Variants in GALNT13 observed in about 807,000 individuals in gnomAD.
GALNT13 encodes the protein UDP-GalNAc:polypeptide N-acetylgalactosaminyltransferase 13.
GALNT13 carries 28 observed loss-of-function variants against 64.2 expected under a neutral mutation model. The ratio of observed to expected loss-of-function variants is 0.44; its 90% CI spans 0.32 to 0.60. GALNT13 has a LOEUF of 0.60. Among genes scored for constraint, GALNT13 ranks in the 20% least tolerant of loss-of-function variants. The probability of loss-of-function intolerance (pLI) is 0.05; values close to 1 mark genes in which losing one functional copy is unlikely to be tolerated. For missense variants in GALNT13, 577 were observed against 669.8 expected, an observed-to-expected ratio of 0.86 and a Z score of 1.53; for synonymous variants, 214 against 224.6, an observed-to-expected ratio of 0.95 and a Z score of 0.42.
intron 3 of GALNT13, among the ~76,000 whole-genome samples, chr2:153,954,302 A>G (rs1692412708): frequency 6.6e-6 from 1 of 152,158 alleles, no homozygotes; most frequent in South Asian, 2.1e-4. Context: ...AGTTATAATG[A>G]CCACTGGAAT....
At chr2:153,192,095 T>G in the GALNT13 span, among the ~76,000 whole-genome samples, 2 of 151,986 alleles carry the variant, frequency 1.3e-5, no homozygotes, top group Admixed American at 1.3e-4. Flanking sequence ...TAGGTTTGGT[T>G]TGCTCTTCTT....
At chr2:153,747,426 T>G in the GALNT13 span, among the ~76,000 whole-genome samples, 1 of 136,530 alleles carries the variant, frequency 7.3e-6, no homozygotes, top group Non-Finnish European at 1.5e-5. Context: ...CCTTTGGTTT[T>G]TTTTTTTTTT....
intron 9 of GALNT13, among the ~76,000 whole-genome samples, chr2:154,364,296 T>C (rs1191681764): frequency 1.3e-5 from 2 of 152,184 alleles, no homozygotes; most frequent in Non-Finnish European, 2.9e-5. Flanking sequence ...TGCAACCTCT[T>C]TGTTAGCAAG....
chr2:153,949,400 G>T (rs1692005822), intron 3 of GALNT13, among the ~76,000 whole-genome samples: 1 of 151,932 alleles, frequency 6.6e-6, no homozygotes, highest in African/African-American at 2.4e-5. Flanking sequence ...CTCAAGCCAG[G>T]CATGGTGGTG....
the GALNT13 span, among the ~76,000 whole-genome samples, chr2:153,101,715 A>G: frequency 6.6e-6 from 1 of 152,256 alleles, no homozygotes; most frequent in East Asian, 1.9e-4. Flanking sequence ...ATTAAAAAAT[A>G]GGCAAACACA....
chr2:154,182,791 A>G (rs917792074), intron 4 of GALNT13, among the ~76,000 whole-genome samples: 5 of 151,860 alleles, frequency 3.3e-5, no homozygotes, highest in African/African-American at 1.2e-4. Flanking sequence ...GACTAATCAC[A>G]GCACTTTGGA....
chr2:154,417,605 G>A (rs1700078506), intron 11 of GALNT13, among the ~76,000 whole-genome samples: 1 of 151,088 alleles, frequency 6.6e-6, no homozygotes, highest in Admixed American at 6.6e-5. Context: ...CCACCTCCCG[G>A]GTTCAAGTGA....
the GALNT13 span, among the ~76,000 whole-genome samples, chr2:153,309,208 C>T: frequency 6.6e-6 from 1 of 152,074 alleles, no homozygotes; most frequent in African/African-American, 2.4e-5. Context: ...CAAAAATAAA[C>T]CCCAAAACCA....
At chr2:153,096,797 T>C in the GALNT13 span, among the ~76,000 whole-genome samples, 3 of 152,214 alleles carry the variant, frequency 2.0e-5, no homozygotes, top group East Asian at 5.8e-4. Context: ...GATTAATGAG[T>C]CTTGTTTATT....
chr2:153,825,608 CTGTGTGTG>C, the GALNT13 span, among the ~76,000 whole-genome samples: 4,457 of 134,830 alleles, frequency 0.033, 104 homozygotes, highest in East Asian at 0.13. Flanking sequence ...TCCATGAGTG[CTGTGTGTG>C]TGTGTGTGTG....
At chr2:154,363,679 C>G (rs561954463) in intron 9 of GALNT13, among the ~76,000 whole-genome samples, 270 of 152,218 alleles carry the variant, frequency 1.8e-3, no homozygotes, top group Non-Finnish European at 2.1e-3. Context: ...TTATGTGAAG[C>G]TCTTTTGGAA....
At chr2:154,326,629 A>G (rs1356280206) in intron 9 of GALNT13, among the ~76,000 whole-genome samples, 3 of 152,210 alleles carry the variant, frequency 2.0e-5, no homozygotes, top group Admixed American at 1.3e-4. Flanking sequence ...GTTCCTTTGG[A>G]AAAAAATGGA....
intron 3 of GALNT13, among the ~76,000 whole-genome samples, chr2:154,046,750 C>T (rs930660603): frequency 1.3e-5 from 2 of 152,014 alleles, no homozygotes; most frequent in African/African-American, 4.8e-5. Context: ...GGAAAAGACA[C>T]TGTGGAGAAA....
chr2:154,184,585 G>C (rs1366329647), intron 4 of GALNT13, among the ~76,000 whole-genome samples: 2 of 151,724 alleles, frequency 1.3e-5, no homozygotes, highest in African/African-American at 4.8e-5. Flanking sequence ...AGTCTGTTTA[G>C]TGTTGCTAAG....
the GALNT13 span, among the ~76,000 whole-genome samples, chr2:153,130,561 C>T: frequency 2.6e-5 from 4 of 151,778 alleles, no homozygotes; most frequent in African/African-American, 9.7e-5. Flanking sequence ...ATCCTTTTAT[C>T]CATCTTCCCA....
chr2:154,095,036 ATACT>A (rs1169072612), intron 3 of GALNT13, among the ~76,000 whole-genome samples: 1 of 151,974 alleles, frequency 6.6e-6, no homozygotes, highest in African/African-American at 2.4e-5. Flanking sequence ...AATAGAGAAA[ATACT>A]TACATATGGA....
chr2:153,228,415 C>G, the GALNT13 span, among the ~76,000 whole-genome samples: 1 of 152,138 alleles, frequency 6.6e-6, no homozygotes, highest in Non-Finnish European at 1.5e-5. Flanking sequence ...CAATATATTA[C>G]AATGATACAG....
the GALNT13 span, among the ~76,000 whole-genome samples, chr2:153,716,763 C>A: frequency 2.0e-5 from 3 of 152,044 alleles, no homozygotes; most frequent in Non-Finnish European, 4.4e-5. Flanking sequence ...AATAAACAGG[C>A]CTGTGAGTGG....
chr2:153,308,608 T>C, the GALNT13 span, among the ~76,000 whole-genome samples: 1 of 152,192 alleles, frequency 6.6e-6, no homozygotes, highest in African/African-American at 2.4e-5. Context: ...GGTCTTTTGA[T>C]AGCCTAGAGT....
Sources: allele counts gnomAD v4.1 joint callset (sites outside exome capture counted in the v4.1 genomes callset), GRCh38; gene constraint gnomAD v4.1.1; transcripts MANE v1.5; gene names NCBI Gene and HGNC (gene_info 2026-07-23, HGNC 2026-07-21).